The following CALN1 variants were observed in gnomAD, a reference collection of about 807,000 sequenced individuals.
The protein encoded by CALN1 is calneuron 1.
CALN1 carries 17 observed loss-of-function variants against 30.6 expected under a neutral mutation model. The observed-to-expected ratio is 0.56, with a 90% CI of 0.38 to 0.83. The LOEUF is 0.83. Among genes scored for constraint, CALN1 ranks in the 40% least tolerant of loss-of-function variants. The pLI, the probability that CALN1 is intolerant of heterozygous loss-of-function variation, is 0.00. For missense variants in CALN1, 291 were observed against 354.9 expected (o/e 0.82, Z 1.45); for synonymous variants, 156 against 131.4 (o/e 1.19, Z -1.28).
chr7:72,266,300 G>A (rs1006289044), intron 3 of CALN1, among the ~76,000 whole-genome samples: 8 of 152,168 alleles, frequency 5.3e-5, no homozygotes, highest in Non-Finnish European at 1.0e-4. Context: ...GTGAGGTAAG[G>A]TTGAAAGCCA....
At chr7:71,953,977 C>A (rs1388389265) in intron 5 of CALN1, among the ~76,000 whole-genome samples, 1 of 152,126 alleles carries the variant, frequency 6.6e-6, no homozygotes, top group African/African-American at 2.4e-5. Context: ...GAAAAGAGAA[C>A]CTGAGAATCT....
intron 5 of CALN1, among the ~76,000 whole-genome samples, chr7:71,874,227 A>T (rs1792111045): frequency 6.7e-6 from 1 of 148,580 alleles, no homozygotes; most frequent in African/African-American, 2.5e-5. Context: ...GTGAGCTGAG[A>T]TCTCACCACT....
intron 2 of CALN1, among the ~76,000 whole-genome samples, chr7:72,359,664 A>G (rs771619858): frequency 3.3e-5 from 5 of 152,126 alleles, no homozygotes; most frequent in African/African-American, 9.7e-5. Flanking sequence ...AATCAAGTGG[A>G]GGAACCTTGT....
intron 6 of CALN1, among the ~76,000 whole-genome samples, chr7:71,791,209 T>C (rs1793363037): frequency 6.6e-6 from 1 of 152,172 alleles, no homozygotes; most frequent in African/African-American, 2.4e-5. Context: ...TTCCATGGTG[T>C]TTATGTACCA....
At chr7:72,176,397 T>C (rs1473420047) in intron 3 of CALN1, among the ~76,000 whole-genome samples, 1 of 152,200 alleles carries the variant, frequency 6.6e-6, no homozygotes, top group Non-Finnish European at 1.5e-5. Flanking sequence ...CTTGTTGAAA[T>C]ATGATTCCCA....
At chr7:72,090,077 C>T (rs1584920065) in intron 4 of CALN1, among the ~76,000 whole-genome samples, 1 of 152,130 alleles carries the variant, frequency 6.6e-6, no homozygotes, top group African/African-American at 2.4e-5. Context: ...GTGGGCAGAT[C>T]GCTGGAGGTC....
chr7:72,393,243 G>A (rs1805691520), intron 2 of CALN1, among the ~76,000 whole-genome samples: 1 of 151,996 alleles, frequency 6.6e-6, no homozygotes, highest in African/African-American at 2.4e-5. Flanking sequence ...CGAGGCGTGT[G>A]GATCATGAGG....
intron 2 of CALN1, among the ~76,000 whole-genome samples, chr7:72,300,259 G>T (rs1799161776): frequency 6.6e-6 from 1 of 152,030 alleles, no homozygotes; most frequent in Non-Finnish European, 1.5e-5. Context: ...ACAGTTCAGA[G>T]AAAGTAATTT....
At chr7:71,984,309 T>G (rs775519921) in intron 5 of CALN1, among the ~76,000 whole-genome samples, 43 of 152,282 alleles carry the variant, frequency 2.8e-4, no homozygotes, top group Admixed American at 8.5e-4. Flanking sequence ...CCAAGTAGAA[T>G]TAAATGCTTG....
intron 3 of CALN1, among the ~76,000 whole-genome samples, chr7:72,247,917 G>A (rs1202354312): frequency 6.6e-6 from 1 of 152,190 alleles, no homozygotes; most frequent in East Asian, 1.9e-4. Context: ...AGGATGGCTT[G>A]AGCCGGGAGT....
chr7:72,361,122 A>AT (rs1803543807), intron 2 of CALN1, among the ~76,000 whole-genome samples: 1 of 152,034 alleles, frequency 6.6e-6, no homozygotes, highest in South Asian at 2.1e-4. Flanking sequence ...ATAAGCTTAC[A>AT]TTTTGTAATT....
In CALN1 at chr7:71,787,411, T is replaced by C. The variant is rs751535327; in HGVS notation, c.*364A>G. 3.9e-5 allele frequency: 8 copies of C among 207,264 alleles called. No homozygotes were observed. Among genetic ancestry groups the C allele is most frequent in the Non-Finnish European group, 8.1e-5 (8 of 98,536 alleles). The allele number at this position is 207,264 out of a possible 1,614,324, so 12.8% of individuals were successfully genotyped here. A position where few individuals can be genotyped will look rare whatever the true frequency, so the allele number is the denominator to read the frequency against. On this transcript the variant is annotated 3_prime_UTR_variant, in exon 7 of 7. Coordinates refer to ENST00000395275, the MANE Select transcript of CALN1 (RefSeq NM_031468.4). ...GGGAGTGGAGGTGACTGTGTGTTCA[T>C]GCCTCTCTCTTGCTCTCTCACCATT... is the stretch of plus-strand genomic sequence containing the variant.
At chr7:71,802,751 G>A (rs997142583) in intron 6 of CALN1, among the ~76,000 whole-genome samples, 17 of 152,150 alleles carry the variant, frequency 1.1e-4, no homozygotes, top group African/African-American at 3.4e-4. Flanking sequence ...AGCTGGGTAC[G>A]GGGGCTCACG....
In CALN1 at chr7:72,165,480, AATCGCTTAAACCCAGGAGG is replaced by A. The variant is rs1196530689; in HGVS notation, c.245-59205_245-59187del. On this transcript the variant is annotated intron_variant, in intron 3 of 6. Coordinates refer to ENST00000395275, the MANE Select transcript of CALN1 (RefSeq NM_031468.4). ...GCTACTCAGGAGGCTGAGACAGGAG[AATCGCTTAAACCCAGGAGG>A]ATCGCTTAAACCCAGGACGCAGAGT... Among the ~76,000 whole-genome samples, 7 of 152,036 alleles carry A rather than the reference AATCGCTTAAACCCAGGAGG, an allele frequency of 4.6e-5. No individual in the cohort carries two copies. The South Asian group carries it at 1.2e-3, about 27-fold the overall frequency.
chr7:71,841,225 C>T (rs994411547), intron 5 of CALN1, among the ~76,000 whole-genome samples: 6 of 152,192 alleles, frequency 3.9e-5, no homozygotes, highest in Admixed American at 2.0e-4. Context: ...GTAGAATGCA[C>T]GACCCTCCCC....
chr7:72,007,660 C>T (rs942026594), intron 5 of CALN1, among the ~76,000 whole-genome samples: 9 of 152,180 alleles, frequency 5.9e-5, no homozygotes, highest in Non-Finnish European at 2.9e-5. Flanking sequence ...AATGTAAATT[C>T]CATGAGTGCG....
At chr7:71,809,765 A>G (rs1158654374) in intron 6 of CALN1, among the ~76,000 whole-genome samples, 1 of 151,802 alleles carries the variant, frequency 6.6e-6, no homozygotes. Context: ...TTTGGCCTCC[A>G]GAGAACCTTA....
At chr7:72,118,654 G>T (rs984322195) in intron 3 of CALN1, among the ~76,000 whole-genome samples, 1 of 152,368 alleles carries the variant, frequency 6.6e-6, no homozygotes, top group South Asian at 2.1e-4. Flanking sequence ...GATACTGAAA[G>T]CTCCAGGCAG....
intron 6 of CALN1, among the ~76,000 whole-genome samples, chr7:71,807,353 C>T (rs1787681361): frequency 6.6e-6 from 1 of 152,114 alleles, no homozygotes; most frequent in South Asian, 2.1e-4. Context: ...ACACCTCTGC[C>T]CAAAATGCAA....
Sources: gnomAD v4.1 joint callset for allele counts (sites outside exome capture counted in the v4.1 genomes callset) on GRCh38, gnomAD v4.1.1 for gene constraint, MANE v1.5 for transcripts, NCBI Gene and HGNC (gene_info 2026-07-23, HGNC 2026-07-21) for gene names.